DOCK11: variants seen among roughly 807,000 people sequenced by gnomAD.
DOCK11 encodes the protein dedicator of cytokinesis 11, also known as dedicator of cytokinesis protein 11.
Under a neutral mutation model 169.1 loss-of-function variants are expected in DOCK11, and 70 were observed. The observed-to-expected ratio is 0.41, with a 90% CI of 0.34 to 0.51. The LOEUF is 0.51. DOCK11 is among the 20% of genes least tolerant of loss of function. The probability of loss-of-function intolerance (pLI) is 0.10; values close to 1 mark genes in which losing one functional copy is unlikely to be tolerated. For missense variants in DOCK11, 1,166 were observed against 1,538.8 expected, an observed-to-expected ratio of 0.76 and a Z score of 4.05; for synonymous variants, 529 against 541.3, an observed-to-expected ratio of 0.98 and a Z score of 0.32.
chrX:118,512,456 C>G (rs763190398), intron 1 of DOCK11, among the ~76,000 whole-genome samples: 1 of 112,004 alleles, frequency 8.9e-6, no homozygotes, highest in Non-Finnish European at 1.9e-5. Flanking sequence ...ATAAATGAAA[C>G]AGTTTTGTCT....
At chrX:118,650,680 T>C (rs11260158) in intron 41 of DOCK11, among the ~76,000 whole-genome samples, 56,994 of 110,588 alleles carry the variant, frequency 0.52, 12,172 homozygotes, top group African/African-American at 0.82. Context: ...CACCTTCCCC[T>C]AGAACATTGT....
intron 16 of DOCK11, among the ~76,000 whole-genome samples, chrX:118,585,588 C>T (rs2013791362): frequency 9.4e-6 from 1 of 106,533 alleles, no homozygotes; most frequent in African/African-American, 3.4e-5. Context: ...TCCGGGTGGA[C>T]ATGAATTTTG....
intron 1 of DOCK11, among the ~76,000 whole-genome samples, chrX:118,505,278 C>T (rs936052334): frequency 1.8e-5 from 2 of 112,227 alleles, no homozygotes; most frequent in Non-Finnish European, 3.8e-5. Context: ...CCGCCTGCCT[C>T]GGCCTCCCAA....
At chrX:118,605,853 A>G (rs942352155) in intron 24 of DOCK11, among the ~76,000 whole-genome samples, 1 of 111,777 alleles carries the variant, frequency 8.9e-6, no homozygotes, top group African/African-American at 3.3e-5. Context: ...TGATCTGTCC[A>G]TTGTTGAAAG....
chrX:118,627,383 G>T (rs1290534914), intron 32 of DOCK11, 121 bp from the exon 33 acceptor site: 1 of 531,729 alleles, frequency 1.9e-6, no homozygotes, highest in Non-Finnish European at 3.2e-6. Context: ...ACTAGTATCT[G>T]ATTTAGACTT....
rs1018699024 is a variant in DOCK11 at position 118,543,649 on chromosome X, C to T, written c.392+56C>T. 1.8e-5 allele frequency: 18 copies of T among 1,027,003 alleles called. 1 individual carries two copies. In the Admixed American group the frequency reaches 3.3e-4, roughly 19 times the overall value. The allele number at this position is 1,027,003 out of a possible 1,213,427, so 84.6% of individuals were successfully genotyped here. A position where few individuals can be genotyped will look rare whatever the true frequency, so the allele number is the denominator to read the frequency against. ...CAGGAGAATTATTAAGCTTTTTTAC[C>T]TTGTTAAAACCACTTGTGAGGCCGG... On this transcript the variant is annotated intron_variant, in intron 4 of 52. Coordinates refer to ENST00000276202, the MANE Select transcript of DOCK11 (RefSeq NM_144658.4).
At chrX:118,658,529 T>G (rs1219990810) in intron 44 of DOCK11, among the ~76,000 whole-genome samples, 1 of 111,817 alleles carries the variant, frequency 8.9e-6, no homozygotes, top group Non-Finnish European at 1.9e-5. Flanking sequence ...TGTCAGGCAC[T>G]GAATTGACAG....
At chrX:118,496,735 G>C (rs1308243338) in intron 1 of DOCK11, among the ~76,000 whole-genome samples, 1 of 111,622 alleles carries the variant, frequency 9.0e-6, no homozygotes, top group African/African-American at 3.3e-5. Flanking sequence ...TGGGCGCAGG[G>C]TCATCCACCG....
At chrX:118,546,269 C>G (rs1464190194) in intron 6 of DOCK11, among the ~76,000 whole-genome samples, 153 bp downstream of exon 6, 2 of 84,761 alleles carry the variant, frequency 2.4e-5, no homozygotes, top group Non-Finnish European at 2.2e-5. Context: ...TTTAAAAAAT[C>G]TAAAACATCA....
intron 6 of DOCK11, among the ~76,000 whole-genome samples, chrX:118,559,025 T>C: frequency 8.9e-6 from 1 of 112,201 alleles, no homozygotes; most frequent in Non-Finnish European, 1.9e-5. Flanking sequence ...GAGTGCTCTT[T>C]CAGGCATCAT....
chrX:118,649,264 A>G, intron 41 of DOCK11, 137 bp downstream of exon 41: 2 of 437,906 alleles, frequency 4.6e-6, no homozygotes. Flanking sequence ...CTAAATTTAG[A>G]TGTTCTGAAA....
Position 118,624,487 on chromosome X carries a change from T to G in DOCK11, c.3472-52T>G. On this transcript the variant is annotated intron_variant, in intron 31 of 52. Coordinates refer to ENST00000276202, the MANE Select transcript of DOCK11 (RefSeq NM_144658.4). ...ATATATGAAGCCAACTCCATTTATT[T>G]GTAATATATACATATTATATACGTA... 7 of 786,013 alleles carry G rather than the reference T, an allele frequency of 8.9e-6. No homozygotes were observed. In the South Asian group the frequency reaches 1.7e-4, roughly 20 times the overall value. The allele number at this position is 786,013 out of a possible 1,213,427, so 64.8% of individuals were successfully genotyped here.
intron 42 of DOCK11, among the ~76,000 whole-genome samples, chrX:118,652,433 G>A (rs1158092088): frequency 2.7e-5 from 3 of 110,828 alleles, no homozygotes; most frequent in East Asian, 5.6e-4. Context: ...TTTAATATTG[G>A]TTAAAAAAGC....
intron 1 of DOCK11, among the ~76,000 whole-genome samples, chrX:118,518,713 C>T (rs73585562): frequency 0.055 from 6,114 of 111,584 alleles, 406 homozygotes; most frequent in African/African-American, 0.19. Context: ...ATATATTTGT[C>T]AAACAAAACC....
chrX:118,525,823 G>GA (rs66726131), intron 1 of DOCK11, among the ~76,000 whole-genome samples: 1 of 107,522 alleles, frequency 9.3e-6, no homozygotes, highest in African/African-American at 3.4e-5. Flanking sequence ...AACAGAAAAG[G>GA]AAAAAAAAAG....
Position 118,652,049 on chromosome X carries a change from A to G in DOCK11, c.4667A>G (p.Asn1556Ser). 8.4e-7 allele frequency: 1 copy of G among 1,194,697 alleles called. No homozygotes were observed. Among genetic ancestry groups the G allele is most frequent in the Admixed American group, 2.2e-5 (1 of 45,184 alleles). Residue 1556 changes from asparagine (N) to serine (S), a missense_variant, in exon 42 of 53, where the codon AAT becomes AGT. By Grantham distance (46) the Asn-to-Ser change is conservative. Coordinates refer to ENST00000276202, the MANE Select transcript of DOCK11 (RefSeq NM_144658.4). ...CAGGAGTCTTTATTCATTATCAATA[A>G]TTTTGCAAATAGTGACAGACCTATG... ...RFQESLFIIN[N>S]FANSDRPMKA...
At chrX:118,556,075 C>T (rs773228274) in intron 6 of DOCK11, among the ~76,000 whole-genome samples, 10 of 104,236 alleles carry the variant, frequency 9.6e-5, no homozygotes, top group Non-Finnish European at 1.6e-4. Flanking sequence ...CAGAGGATCT[C>T]GCTCTGTCTT....
intron 40 of DOCK11, among the ~76,000 whole-genome samples, chrX:118,647,564 TATA>T (rs1226137535): frequency 1.5e-5 from 1 of 68,322 alleles, no homozygotes. Flanking sequence ...TATATATTAA[TATA>T]ATATATTAAC....
intron 14 of DOCK11, among the ~76,000 whole-genome samples, chrX:118,583,997 C>T (rs999222030): frequency 9.0e-6 from 1 of 111,312 alleles, no homozygotes; most frequent in African/African-American, 3.3e-5. Context: ...TACAGAGAAC[C>T]GACTCTACAT....
Sources: allele counts gnomAD v4.1 joint callset (sites outside exome capture counted in the v4.1 genomes callset), GRCh38; gene constraint gnomAD v4.1.1; transcripts MANE v1.5; gene names NCBI Gene and HGNC (gene_info 2026-07-23, HGNC 2026-07-21).